Variants in CELF2 observed in about 807,000 individuals in gnomAD.
CELF2 encodes the protein CUG triplet repeat RNA-binding protein 2.
Under a neutral mutation model 62.6 loss-of-function variants are expected in CELF2, and 8 were observed. That is an observed-to-expected ratio of 0.13 (90% CI 0.07 to 0.23). The LOEUF (loss-of-function observed/expected upper bound fraction) is 0.23, where lower values mean the gene tolerates loss of function less well. Among genes scored for constraint, CELF2 ranks in the 10% least tolerant of loss-of-function variants. The probability of loss-of-function intolerance (pLI) is 1.00; values close to 1 mark genes in which losing one functional copy is unlikely to be tolerated. For missense variants in CELF2, 333 were observed against 671.0 expected (o/e 0.50, Z 5.56); for synonymous variants, 258 against 250.0 (o/e 1.03, Z -0.30).
chr10:11,217,538 CTTTA>C lies in CELF2; in HGVS notation c.354+34_354+37del, dbSNP rs747278955. 2.0e-6 allele frequency: 3 copies of C among 1,486,504 alleles called. No individual in the cohort carries two copies. 92.1% of individuals were successfully genotyped at this position (1,486,504 alleles called of 1,614,324 possible). Reference sequence around the variant, plus strand: ...TCGGTTTACTTTTGTACCAGAATCACTTTATTGCTTGAAAATGGTCCTTTCAACT... The same window carrying C: ...TCGGTTTACTTTTGTACCAGAATCACTTGCTTGAAAATGGTCCTTTCAACT... On this transcript the variant is annotated intron_variant, in intron 3 of 12. Coordinates refer to ENST00000633077, the MANE Select transcript of CELF2 (RefSeq NM_001326342.2). This position sits in a 1 kb window ranked among gnomAD's most constrained non-coding sequence, Gnocchi z 5.6.
intron 2 of CELF2, among the ~76,000 whole-genome samples, chr10:10,994,846 C>G (rs1278613103): frequency 7.9e-5 from 12 of 151,920 alleles, no homozygotes; most frequent in Non-Finnish European, 1.8e-4. Flanking sequence ...AATCCAAGCT[C>G]TTCTATTCAG....
At chr10:11,119,864 T>TCTCC (rs1399108400) in intron 1 of CELF2, among the ~76,000 whole-genome samples, 17 of 112,162 alleles carry the variant, frequency 1.5e-4, no homozygotes, top group Admixed American at 1.8e-4. Flanking sequence ...TGATTCCGCC[T>TCTCC]CCCCCCCCCC....
the CELF2 span, among the ~76,000 whole-genome samples, chr10:10,608,662 A>G: frequency 6.6e-6 from 1 of 152,286 alleles, no homozygotes; most frequent in East Asian, 1.9e-4. Context: ...ACAGCATTCC[A>G]CTTGTGTCCT....
chr10:11,284,625 G>T (rs1015001476), intron 8 of CELF2, among the ~76,000 whole-genome samples: 2 of 149,384 alleles, frequency 1.3e-5, no homozygotes, highest in Non-Finnish European at 3.0e-5. Context: ...TGGGTGGGAG[G>T]ATCCATACCA....
In CELF2 at chr10:11,302,413, G is replaced by A. The variant is rs938015652; in HGVS notation, c.977-11726G>A. The stretch of plus-strand genomic sequence containing the variant: ...GTCTGACTCAGCGGGAGTGAGGGGA[G>A]CCCCAGGTGGTGCCGATGCGGGCGA... On this transcript the variant is annotated intron_variant, in intron 9 of 12. Coordinates refer to ENST00000633077, the MANE Select transcript of CELF2 (RefSeq NM_001326342.2). The surrounding 1 kb of genome is among the most constrained non-coding windows in gnomAD (Gnocchi z 5.0). 6.6e-6 allele frequency among the ~76,000 whole-genome samples: 1 copy of A among 152,192 alleles called. No homozygotes were observed. Among genetic ancestry groups the A allele is most frequent in the Non-Finnish European group, 1.5e-5 (1 of 68,038 alleles).
the CELF2 span, among the ~76,000 whole-genome samples, chr10:10,595,505 C>G: frequency 6.6e-6 from 1 of 152,122 alleles, no homozygotes; most frequent in Non-Finnish European, 1.5e-5. Flanking sequence ...AATTGAAGAC[C>G]TGCTGAAACA....
chr10:10,750,286 A>G, the CELF2 span, among the ~76,000 whole-genome samples: 1 of 148,550 alleles, frequency 6.7e-6, no homozygotes, highest in Non-Finnish European at 1.5e-5. Flanking sequence ...ATCTCAAAGA[A>G]AAAAAAAAAA....
chr10:10,632,686 T>C, the CELF2 span, among the ~76,000 whole-genome samples: 4 of 152,224 alleles, frequency 2.6e-5, no homozygotes, highest in Non-Finnish European at 5.9e-5. Flanking sequence ...GTCTTTCTTT[T>C]AGAAAATATT....
chr10:11,165,776 G>A lies in CELF2; in HGVS notation c.271+94G>A. ...CCCCCAGCCTGCAGGAGGAAGGGCG[G>A]GTAGGCAGGAGGGCTGGAAGCAGCC... On this transcript the variant is annotated intron_variant, in intron 2 of 12. Coordinates refer to ENST00000633077, the MANE Select transcript of CELF2 (RefSeq NM_001326342.2). This position sits in a 1 kb window ranked among gnomAD's most constrained non-coding sequence, Gnocchi z 7.4. 1.6e-6 allele frequency: 2 copies of A among 1,238,452 alleles called. No homozygotes were observed. Among genetic ancestry groups the A allele is most frequent in the South Asian group, 1.5e-5 (1 of 68,866 alleles). 76.7% of individuals were successfully genotyped at this position (1,238,452 alleles called of 1,614,324 possible). A position where few individuals can be genotyped will look rare whatever the true frequency, so the allele number is the denominator to read the frequency against.
chr10:11,077,541 T>C (rs1179874123), intron 1 of CELF2, among the ~76,000 whole-genome samples: 1 of 152,220 alleles, frequency 6.6e-6, no homozygotes, highest in East Asian at 1.9e-4. Context: ...GCCTTGAATG[T>C]GTATGCTTTT....
intron 1 of CELF2, among the ~76,000 whole-genome samples, chr10:11,007,833 G>A (rs1391615495): frequency 6.6e-6 from 1 of 152,140 alleles, no homozygotes; most frequent in African/African-American, 2.4e-5. Context: ...AAGAAACGAC[G>A]TGGAAACCCC....
rs528526926 is a variant in CELF2 at position 11,194,463 on chromosome 10, G to A, written c.272-22962G>A. ...TTGGTCTTTGCCCAGTAACGAACAT[G>A]TGTACACCTTTGCATTCATACAGTC... is the stretch of plus-strand genomic sequence containing the variant. On this transcript the variant is annotated intron_variant, in intron 2 of 12. Coordinates refer to ENST00000633077, the MANE Select transcript of CELF2 (RefSeq NM_001326342.2). 6.6e-5 allele frequency among the ~76,000 whole-genome samples: 10 copies of A among 152,276 alleles called. No homozygotes were observed. In the East Asian group the frequency reaches 1.9e-3, roughly 29 times the overall value.
chr10:11,251,006 G>A (rs1176654223), intron 4 of CELF2, among the ~76,000 whole-genome samples: 2 of 152,120 alleles, frequency 1.3e-5, no homozygotes, highest in Admixed American at 6.5e-5. Context: ...TGGGAGACAC[G>A]AGAGATGACT....
At chr10:10,478,722 A>G in the CELF2 span, among the ~76,000 whole-genome samples, 1 of 152,218 alleles carries the variant, frequency 6.6e-6, no homozygotes, top group East Asian at 1.9e-4. Flanking sequence ...TCAGAAATTC[A>G]TGACACACTT....
At chr10:11,129,245 A>G (rs973119320) in intron 1 of CELF2, among the ~76,000 whole-genome samples, 1 of 152,178 alleles carries the variant, frequency 6.6e-6, no homozygotes, top group Admixed American at 6.5e-5. Context: ...ATATTGGTGG[A>G]TAAGCTTTTT....
the CELF2 span, among the ~76,000 whole-genome samples, chr10:10,480,225 G>A: frequency 5.3e-5 from 8 of 152,216 alleles, no homozygotes; most frequent in Admixed American, 3.3e-4. Context: ...GTGAAAACAC[G>A]GGAGCCCAAA....
At chr10:10,730,050 A>T in the CELF2 span, among the ~76,000 whole-genome samples, 1 of 152,218 alleles carries the variant, frequency 6.6e-6, no homozygotes, top group African/African-American at 2.4e-5. Flanking sequence ...AGAGAAAATG[A>T]CACTATCCCA....
At chr10:10,522,645 C>G in the CELF2 span, among the ~76,000 whole-genome samples, 1 of 152,206 alleles carries the variant, frequency 6.6e-6, no homozygotes, top group African/African-American at 2.4e-5. Context: ...TCTTGGCTCA[C>G]AGCAACCTCT....
the CELF2 span, among the ~76,000 whole-genome samples, chr10:10,721,059 G>A: frequency 6.6e-6 from 1 of 152,222 alleles, no homozygotes; most frequent in Non-Finnish European, 1.5e-5. Context: ...TGTGGGTAAA[G>A]CACTCTCGCA....
Sources: allele counts gnomAD v4.1 joint callset (sites outside exome capture counted in the v4.1 genomes callset), GRCh38; gene constraint gnomAD v4.1.1; non-coding constraint Gnocchi (gnomAD v3.1); transcripts MANE v1.5; gene names NCBI Gene and HGNC (gene_info 2026-07-23, HGNC 2026-07-21).